CCM2: variants seen among roughly 807,000 people sequenced by gnomAD.
CCM2 encodes the protein CCM2 scaffold protein.
CCM2 carries 25 observed loss-of-function variants against 44.9 expected under a neutral mutation model. The ratio of observed to expected loss-of-function variants is 0.56; its 90% confidence interval spans 0.41 to 0.78. The LOEUF (loss-of-function observed/expected upper bound fraction) is 0.78, where lower values mean the gene tolerates loss of function less well. Among genes scored for constraint, CCM2 ranks in the 30% least tolerant of loss-of-function variants. The probability of loss-of-function intolerance (pLI) is 0.00; values close to 1 mark genes in which losing one functional copy is unlikely to be tolerated. For missense variants in CCM2, 481 were observed against 580.6 expected, an observed-to-expected ratio of 0.83 and a Z score of 1.76; for synonymous variants, 219 against 241.1, an observed-to-expected ratio of 0.91 and a Z score of 0.85.
chr7:45,022,558 G>T (rs979819746), intron 1 of CCM2, among the ~76,000 whole-genome samples: 3 of 151,358 alleles, frequency 2.0e-5, no homozygotes, highest in South Asian at 2.1e-4. Context: ...CGCCCGCCTC[G>T]GCCTCCCAAA....
Position 45,000,458 on chromosome 7 carries a change from G to GA in CCM2, c.30+95_30+96insA, listed in dbSNP as rs1554353546. On this transcript the variant is annotated intron_variant, in intron 1 of 9. Coordinates refer to ENST00000258781, the MANE Select transcript of CCM2 (RefSeq NM_031443.4). ...GGGCGGGTGTTCCTTGGGGCCCGGG[G>GA]GGGGGGGCAGTGGGCCAGCTGGCGG... 1,317 of 318,732 alleles carry GA rather than the reference G, an allele frequency of 4.1e-3. 67 individuals are homozygous for GA. Among genetic ancestry groups the GA allele is most frequent in the African/African-American group, 0.033 (1,217 of 36,486 alleles). The allele number at this position is 318,732 out of a possible 1,614,324, so 19.7% of individuals were successfully genotyped here.
rs77418614 is a variant in CCM2 at position 45,027,031 on chromosome 7, A to G, written c.31-11222A>G. 1,438 of 155,070 alleles carry G rather than the reference A, an allele frequency of 9.3e-3. 23 individuals carry two copies. The highest frequency in any genetic ancestry group is 0.032 in the African/African-American group (1,314 of 41,580). The allele number at this position is 155,070 out of a possible 1,614,324, so 9.6% of individuals were successfully genotyped here. ...TAGATTAGGAAATTTGCCTTGAAGA[A>G]GTGAGCTTGGCCAGAGGCACGCTGT... is the stretch of plus-strand genomic sequence containing the variant. On this transcript the variant is annotated intron_variant, in intron 1 of 9. Coordinates refer to ENST00000258781, the MANE Select transcript of CCM2 (RefSeq NM_031443.4).
intron 6 of CCM2, chr7:45,072,219 G>T: frequency 3.0e-6 from 1 of 328,540 alleles, no homozygotes; most frequent in Non-Finnish European, 6.0e-6. Context: ...CCCTTTGCTG[G>T]TCTGAGGGTC....
intron 2 of CCM2, among the ~76,000 whole-genome samples, chr7:45,063,479 A>G (rs566512531): frequency 2.6e-5 from 4 of 152,134 alleles, no homozygotes; most frequent in African/African-American, 9.7e-5. Flanking sequence ...TCATTTCTCT[A>G]TTTATGCTCA....
intron 1 of CCM2, among the ~76,000 whole-genome samples, chr7:45,009,402 GTTTTTTTTTTTT>G (rs66697662): frequency 2.7e-5 from 2 of 74,798 alleles, no homozygotes; most frequent in East Asian, 9.3e-4. Context: ...GGCTATACTT[GTTTTTTTTTTTT>G]TTTTTTTTGA....
At chr7:45,015,324 G>A (rs189394111) in intron 1 of CCM2, among the ~76,000 whole-genome samples, 11 of 152,158 alleles carry the variant, frequency 7.2e-5, no homozygotes, top group Admixed American at 6.5e-4. Flanking sequence ...TTTTTGCTCA[G>A]TCTCCCCATA....
chr7:45,064,561 TATC>T lies in CCM2; in HGVS notation c.391_393del (p.Ile131del). On this transcript the variant is annotated inframe_deletion, in exon 4 of 10. Transcript: ENST00000258781. ...AGCTGGCCTGGAGGGACGGGGAGGA[TATC>T]ATCCTCAGGGTGCCCATCCATGACA... is the stretch of plus-strand genomic sequence containing the variant. The T allele has an allele frequency of 1.9e-6, 3 of 1,614,034 alleles. No homozygotes were observed. Among genetic ancestry groups the T allele is most frequent in the Admixed American group, 1.7e-5 (1 of 60,016 alleles).
chr7:45,055,507 T>G (rs1490549530), intron 2 of CCM2, among the ~76,000 whole-genome samples: 3 of 152,078 alleles, frequency 2.0e-5, no homozygotes, highest in Non-Finnish European at 4.4e-5. Context: ...GCCAAGATGG[T>G]GAAACCCCGT....
At chr7:45,048,592 A>C (rs1216979593) in intron 2 of CCM2, among the ~76,000 whole-genome samples, 1 of 152,146 alleles carries the variant, frequency 6.6e-6, no homozygotes, top group Non-Finnish European at 1.5e-5. Flanking sequence ...GTGAAACCCC[A>C]TCTCTACTAA....
At chr7:45,071,939 G>T (rs1214979886) in intron 6 of CCM2, 1 of 446,380 alleles carries the variant, frequency 2.2e-6, no homozygotes, top group Non-Finnish European at 4.5e-6. Flanking sequence ...CCAGGGATTA[G>T]GATGTGGACG....
chr7:45,003,549 A>G (rs974342469), intron 1 of CCM2, among the ~76,000 whole-genome samples: 2 of 151,554 alleles, frequency 1.3e-5, no homozygotes, highest in Non-Finnish European at 2.9e-5. Context: ...CCTGGCCAGC[A>G]TGGTGAAACC....
chr7:45,029,241 G>GC (rs1391237192), intron 1 of CCM2, among the ~76,000 whole-genome samples: 2 of 152,142 alleles, frequency 1.3e-5, no homozygotes, highest in African/African-American at 4.8e-5. Context: ...CTGAATGTTG[G>GC]CCTTAAGGAT....
rs749246649 is a variant in CCM2 at position 45,076,089 on chromosome 7, C to G, written c.*32C>G. 2 of 1,612,070 alleles carry G rather than the reference C, an allele frequency of 1.2e-6. No individual in the cohort carries two copies. Among genetic ancestry groups the G allele is most frequent in the South Asian group, 2.2e-5 (2 of 91,052 alleles). On this transcript the variant is annotated 3_prime_UTR_variant, in exon 10 of 10. Transcript: ENST00000258781. Reference sequence around the variant, plus strand: ...GTGGATGGGGGGGCACCCACACCTTCCGCGCAGTCGTCATAGGCCTTCCCA... The same window carrying G: ...GTGGATGGGGGGGCACCCACACCTTGCGCGCAGTCGTCATAGGCCTTCCCA...
chr7:45,068,263 A>G, intron 4 of CCM2, 180 bp from the exon 5 acceptor site: 2 of 738,132 alleles, frequency 2.7e-6, no homozygotes, highest in Non-Finnish European at 4.7e-6. Context: ...GCGTGTTCCC[A>G]CCCTTATTTA....
rs1164027731 is a variant in CCM2, at chr7:45,076,296, T to G, written c.*239T>G. 1.4e-6 allele frequency: 1 copy of G among 692,884 alleles called. No homozygotes were observed. The highest frequency in any genetic ancestry group is 2.0e-5 in the Admixed American group (1 of 49,172). 42.9% of individuals were successfully genotyped at this position (692,884 alleles called of 1,614,324 possible). On this transcript the variant is annotated 3_prime_UTR_variant, in exon 10 of 10. Coordinates refer to ENST00000258781, the MANE Select transcript of CCM2 (RefSeq NM_031443.4). ...TGTCCACCAGGGCTCAGCCAAGCCC[T>G]GCAGTGTGTCCCCGCTCGGGGAGGG...
At chr7:45,035,812 T>C (rs1275597017) in intron 1 of CCM2, among the ~76,000 whole-genome samples, 4 of 152,006 alleles carry the variant, frequency 2.6e-5, no homozygotes, top group African/African-American at 4.8e-5. Flanking sequence ...ACAGTCTGAT[T>C]ATATACATAT....
intron 2 of CCM2, among the ~76,000 whole-genome samples, chr7:45,056,392 C>T (rs115093101): frequency 0.021 from 3,177 of 152,162 alleles, 71 homozygotes; most frequent in African/African-American, 0.061. Context: ...TGGTGGCTCA[C>T]GCCTGTAATC....
chr7:45,068,521 A>G lies in CCM2; in HGVS notation c.551A>G (p.Glu184Gly), dbSNP rs141353947. The change falls in exon 5 of 10, where the codon GAG becomes GGG. Residue 184 changes from glutamate to glycine, a missense_variant. Transcript: ENST00000258781. ...SRGLSAGSLSESAVGPVEACC... is the reference protein window; with the variant it reads ...SRGLSAGSLSGSAVGPVEACC... The stretch of plus-strand genomic sequence containing the variant: ...GGCCTCAGTGCAGGCTCCCTGTCGG[A>G]GAGTGCAGTTGGGCCCGTGGAGGCA... The G allele has an allele frequency of 3.7e-6, 6 of 1,614,136 alleles. No individual in the cohort carries two copies. The African/African-American group carries it at 8.0e-5, about 22-fold the overall frequency.
intron 1 of CCM2, among the ~76,000 whole-genome samples, chr7:45,023,787 G>GTTTT (rs10596429): frequency 1.9e-4 from 11 of 58,614 alleles, no homozygotes; most frequent in South Asian, 7.2e-4. Flanking sequence ...CTCTGTATCA[G>GTTTT]TTTTTTTTTT....
Sources: allele counts gnomAD v4.1 joint callset (sites outside exome capture counted in the v4.1 genomes callset), GRCh38; gene constraint gnomAD v4.1.1; transcripts MANE v1.5; gene names NCBI Gene and HGNC (gene_info 2026-07-23, HGNC 2026-07-21).